Variants in SNX29 observed in about 807,000 individuals in gnomAD.
The protein encoded by SNX29 is sorting nexin-29.
Under a neutral mutation model 102.1 loss-of-function variants are expected in SNX29, and 78 were observed. That is an observed-to-expected ratio of 0.76 (90% CI 0.64 to 0.92). SNX29 has a LOEUF of 0.92. Ranked by LOEUF, SNX29 falls within the 40% of genes least tolerant of loss-of-function variation. SNX29 has a pLI of 0.00. For missense variants in SNX29, 1,280 were observed against 1,061.7 expected (o/e 1.21, Z -2.86); for synonymous variants, 580 against 414.5 (o/e 1.40, Z -4.85).
At chr16:12,328,912 C>T (rs1473201801) in intron 15 of SNX29, among the ~76,000 whole-genome samples, 2 of 152,062 alleles carry the variant, frequency 1.3e-5, no homozygotes, top group Non-Finnish European at 2.9e-5. Context: ...CACTGTCTCC[C>T]TGGTTCCCTG....
At chr16:12,309,359 C>T (rs185611751) in intron 15 of SNX29, among the ~76,000 whole-genome samples, 1 of 152,348 alleles carries the variant, frequency 6.6e-6, no homozygotes, top group East Asian at 1.9e-4. Context: ...CGAGGGCTCA[C>T]TGCTGAAGGC....
chr16:12,570,871 T>C lies in SNX29; in HGVS notation c.*2242T>C, dbSNP rs2079173246. ...ACTGGTGGGAGAAACTGCCTCCTAC[T>C]TTTATAATACTGAATTATTCACAAA... On this transcript the variant is annotated 3_prime_UTR_variant, in exon 21 of 21. Coordinates refer to ENST00000566228, the MANE Select transcript of SNX29 (RefSeq NM_032167.5). 4.3e-6 allele frequency: 1 copy of C among 231,832 alleles called. No homozygotes were observed. The highest frequency in any genetic ancestry group is 8.5e-6 in the Non-Finnish European group (1 of 117,308). The allele number at this position is 231,832 out of a possible 1,614,324, so 14.4% of individuals were successfully genotyped here. A position where few individuals can be genotyped will look rare whatever the true frequency, so the allele number is the denominator to read the frequency against.
chr16:12,302,778 G>T lies in SNX29; in HGVS notation c.1782+24742G>T, dbSNP rs193207751. Among the ~76,000 whole-genome samples the T allele has an allele frequency of 4.6e-5, 7 of 152,246 alleles. No individual in the cohort carries two copies. The South Asian group carries it at 1.5e-3, about 32-fold the overall frequency. On this transcript the variant is annotated intron_variant, in intron 15 of 20. Coordinates refer to ENST00000566228, the MANE Select transcript of SNX29 (RefSeq NM_032167.5). Reference sequence around the variant, plus strand: ...TGCTAGGTAATACCTTTTATAAAACGCCATGGAGTGACTTGGGGCCACACT... The same window carrying T: ...TGCTAGGTAATACCTTTTATAAAACTCCATGGAGTGACTTGGGGCCACACT...
chr16:12,344,438 A>G (rs1165263654), intron 15 of SNX29, among the ~76,000 whole-genome samples: 4 of 152,146 alleles, frequency 2.6e-5, no homozygotes, highest in African/African-American at 9.7e-5. Context: ...TATAGAAACC[A>G]TGAGGGCAAG....
intron 16 of SNX29, among the ~76,000 whole-genome samples, chr16:12,356,685 T>G (rs147175596): frequency 6.6e-6 from 1 of 152,258 alleles, no homozygotes; most frequent in Non-Finnish European, 1.5e-5. Context: ...TGTTTTTAAT[T>G]GAATATTGTG....
chr16:12,475,364 A>T (rs770104649), intron 18 of SNX29, among the ~76,000 whole-genome samples: 2 of 152,166 alleles, frequency 1.3e-5, no homozygotes, highest in African/African-American at 2.4e-5. Flanking sequence ...AATAACAATA[A>T]TGACTTCTTG....
At chr16:12,157,864 C>T (rs143773932) in intron 13 of SNX29, among the ~76,000 whole-genome samples, 2 of 152,286 alleles carry the variant, frequency 1.3e-5, no homozygotes, top group African/African-American at 4.8e-5. Flanking sequence ...TCCGTCTGCC[C>T]GAGGGCTGGC....
chr16:12,145,999 C>T (rs2055050895), intron 13 of SNX29, among the ~76,000 whole-genome samples: 1 of 152,234 alleles, frequency 6.6e-6, no homozygotes, highest in African/African-American at 2.4e-5. Flanking sequence ...TCTTGTGTTA[C>T]TAAAATCCTT....
In SNX29 at chr16:12,569,057, C is replaced by G. The variant is rs973656456; in HGVS notation, c.*428C>G. The G allele has an allele frequency of 2.4e-5, 5 of 207,934 alleles. No homozygotes were observed. The highest frequency in any genetic ancestry group is 3.6e-5 in the Non-Finnish European group (4 of 109,698). 12.9% of individuals were successfully genotyped at this position (207,934 alleles called of 1,614,324 possible). ...CTTTCCCACGTGGGGACTAGAATGA[C>G]TATTAGCCTCTCCTTTTGCTTTTTA... On this transcript the variant is annotated 3_prime_UTR_variant, in exon 21 of 21. Coordinates refer to ENST00000566228, the MANE Select transcript of SNX29 (RefSeq NM_032167.5).
At chr16:12,549,872 G>A (rs1057380461) in intron 20 of SNX29, among the ~76,000 whole-genome samples, 7 of 152,248 alleles carry the variant, frequency 4.6e-5, no homozygotes, top group Non-Finnish European at 4.4e-5. Context: ...AGCCAAAGAT[G>A]GTTCAGACTA....
chr16:12,487,515 G>A (rs146195897), intron 19 of SNX29, among the ~76,000 whole-genome samples: 11 of 152,280 alleles, frequency 7.2e-5, no homozygotes, highest in African/African-American at 1.4e-4. Flanking sequence ...TGTAAGTGCC[G>A]GAGCCAGGAA....
rs576858051 is a variant in SNX29 at position 12,398,213 on chromosome 16, T to G, written c.1900-233T>G. 1.1e-4 allele frequency among the ~76,000 whole-genome samples: 16 copies of G among 152,346 alleles called. No homozygotes were observed. In the South Asian group the frequency reaches 3.3e-3, roughly 32 times the overall value. ...TTATCTCAATAGGATTAACAGTCCC[T>G]TGGCCATAAAGATAATTGAGATCCC... On this transcript the variant is annotated intron_variant, in intron 16 of 20. Coordinates refer to ENST00000566228, the MANE Select transcript of SNX29 (RefSeq NM_032167.5).
intron 15 of SNX29, among the ~76,000 whole-genome samples, chr16:12,346,842 A>G (rs753742246): frequency 2.0e-5 from 3 of 152,088 alleles, no homozygotes; most frequent in South Asian, 2.1e-4. Context: ...CCAGGGGGGT[A>G]GCAGCTGCTG....
intron 15 of SNX29, among the ~76,000 whole-genome samples, chr16:12,301,413 C>A (rs1418102402): frequency 6.6e-6 from 1 of 152,214 alleles, no homozygotes; most frequent in Admixed American, 6.5e-5. Flanking sequence ...CCTCCAGGGT[C>A]TTGTGTTTCC....
chr16:12,572,699 G>A lies in SNX29; in HGVS notation c.*4070G>A, dbSNP rs551308986. The A allele has an allele frequency of 1.9e-6, 2 of 1,063,536 alleles. No homozygotes were observed. The highest frequency in any genetic ancestry group is 2.3e-6 in the Non-Finnish European group (2 of 878,258). 65.9% of individuals were successfully genotyped at this position (1,063,536 alleles called of 1,614,324 possible). ...ACGGGGGAAGCCCTGCACTCCAGCA[G>A]CATCTTCCAGCCTTGGCACAGAACT... On this transcript the variant is annotated 3_prime_UTR_variant, in exon 21 of 21. Transcript: ENST00000566228.
intron 20 of SNX29, among the ~76,000 whole-genome samples, chr16:12,558,133 G>C (rs2078487610): frequency 6.6e-6 from 1 of 152,142 alleles, no homozygotes; most frequent in Non-Finnish European, 1.5e-5. Context: ...CAGCATTCAG[G>C]GATAATCCTT....
At chr16:12,082,434 C>T (rs540194806) in intron 11 of SNX29, among the ~76,000 whole-genome samples, 4 of 152,236 alleles carry the variant, frequency 2.6e-5, no homozygotes, top group African/African-American at 4.8e-5. Context: ...CTTCCTCAGC[C>T]GCTTTCTGTC....
intron 20 of SNX29, among the ~76,000 whole-genome samples, chr16:12,544,963 G>C (rs73508567): frequency 0.015 from 2,328 of 152,314 alleles, 58 homozygotes; most frequent in African/African-American, 0.052. Flanking sequence ...GAGGAAACAG[G>C]CTCAGAGAGA....
At chr16:12,105,905 C>T (rs1387419645) in intron 11 of SNX29, among the ~76,000 whole-genome samples, 1 of 152,110 alleles carries the variant, frequency 6.6e-6, no homozygotes, top group Non-Finnish European at 1.5e-5. Context: ...ACCATATTTA[C>T]CAGCGAGCTC....
Sources: allele counts gnomAD v4.1 joint callset (sites outside exome capture counted in the v4.1 genomes callset), GRCh38; gene constraint gnomAD v4.1.1; transcripts MANE v1.5; gene names NCBI Gene and HGNC (gene_info 2026-07-23, HGNC 2026-07-21).